The following RTBDN variants were observed in gnomAD, a reference collection of about 807,000 sequenced individuals.
The protein encoded by RTBDN is retbindin.
RTBDN carries 24 observed loss-of-function variants against 21.9 expected under a neutral mutation model. The observed-to-expected ratio is 1.10, with a 90% CI of 0.79 to 1.54. The LOEUF is 1.54. Among genes scored for constraint, RTBDN ranks in the 40% most tolerant of loss-of-function variants. The probability of loss-of-function intolerance (pLI) is 0.00; values close to 1 mark genes in which losing one functional copy is unlikely to be tolerated. For missense variants in RTBDN, 325 were observed against 315.2 expected, an observed-to-expected ratio of 1.03 and a Z score of -0.23; for synonymous variants, 141 against 125.9, an observed-to-expected ratio of 1.12 and a Z score of -0.80.
At chr19:12,835,296 T>C, upstream of RTBDN, 2 of 592,370 alleles carry the variant, frequency 3.4e-6, no homozygotes, top group Non-Finnish European at 6.0e-6. Context: ...TAGGCCTCTC[T>C]GAAGTGCTCC....
intron 2 of RTBDN, among the ~76,000 whole-genome samples, chr19:12,829,347 G>A (rs938974665): frequency 6.6e-6 from 1 of 151,940 alleles, no homozygotes; most frequent in Non-Finnish European, 1.5e-5. Context: ...GATTTCAGGC[G>A]CATGCCACCT....
rs57410013 is a variant in RTBDN at position 12,826,999 on chromosome 19, C to T, written c.366-128G>A. The T allele has an allele frequency of 6.0e-6, 4 of 665,374 alleles. No individual in the cohort carries two copies. The African/African-American group carries it at 7.2e-5, about 12-fold the overall frequency. 41.2% of individuals were successfully genotyped at this position (665,374 alleles called of 1,614,324 possible). ...CCAGGCCCCGCCTTTTAGAACCACT[C>T]CCCTGCTAACTAACCCCATCTCTCC... On this transcript the variant is annotated intron_variant, in intron 4 of 5. Transcript: ENST00000674343.
At chr19:12,828,605 C>T (rs1252898865) in intron 4 of RTBDN, 52 bp downstream of exon 4, 2 of 1,426,000 alleles carry the variant, frequency 1.4e-6, no homozygotes, top group African/African-American at 2.8e-5. Flanking sequence ...CAGGCTCCGC[C>T]CTCTTCCCCG....
rs1969290747 is a variant in RTBDN at position 12,826,203 on chromosome 19, A to T, written c.463-270T>A. 4 of 1,334,192 alleles carry T rather than the reference A, an allele frequency of 3.0e-6. No individual in the cohort carries two copies. The Middle Eastern group carries it at 8.3e-4, about 277-fold the overall frequency. 82.6% of individuals were successfully genotyped at this position (1,334,192 alleles called of 1,614,324 possible). ...CAAGGCTGGGGTTTTGTAGAGAGTG[A>T]CTGGGCTTCTGGGTCCTCCAGGGTA... is the stretch of plus-strand genomic sequence containing the variant. On this transcript the variant is annotated intron_variant, in intron 5 of 5. Coordinates refer to ENST00000674343, the MANE Select transcript of RTBDN (RefSeq NM_001270441.2).
intron 1 of RTBDN, among the ~76,000 whole-genome samples, chr19:12,833,550 G>T (rs982594472): frequency 2.6e-5 from 4 of 152,076 alleles, no homozygotes; most frequent in African/African-American, 9.7e-5. Context: ...TCACCAAGGG[G>T]GTCTCTGGGG....
At chr19:12,828,108 GA>G (rs1275777197) in intron 4 of RTBDN, among the ~76,000 whole-genome samples, 2 of 128,256 alleles carry the variant, frequency 1.6e-5, no homozygotes, top group African/African-American at 3.1e-5. Context: ...AAAAAAAAAA[GA>G]AAAAAAGGCC....
chr19:12,833,209 G>T (rs970764413), intron 1 of RTBDN, among the ~76,000 whole-genome samples: 3 of 152,108 alleles, frequency 2.0e-5, no homozygotes, highest in African/African-American at 7.2e-5. Flanking sequence ...CTGAGGTTGC[G>T]TCTCCTGTGA....
Position 12,830,046 on chromosome 19 carries a change from G to T in RTBDN, c.-18-49C>A. The T allele has an allele frequency of 6.4e-7, 1 of 1,566,748 alleles. No individual in the cohort carries two copies. The highest frequency in any genetic ancestry group is 8.7e-7 in the Non-Finnish European group (1 of 1,147,420). Reference sequence around the variant, plus strand: ...AGCCATCCCTTTCTGTGAGCTTAGGGTGGCACCCACCCAGTGCATACCCAA... The same window carrying T: ...AGCCATCCCTTTCTGTGAGCTTAGGTTGGCACCCACCCAGTGCATACCCAA... On this transcript the variant is annotated intron_variant, in intron 1 of 5. Transcript: ENST00000674343. This position sits in a 1 kb window ranked among gnomAD's most constrained non-coding sequence, Gnocchi z 4.2.
Position 12,830,896 on chromosome 19 carries a change from T to C in RTBDN, c.-18-899A>G, listed in dbSNP as rs1489458972. Reference sequence around the variant, plus strand: ...GAGGAAGGTGTGTTTGTGTGGCCTATAGCCTGTGTGTGTTCCCAGGCACCT... The same window carrying C: ...GAGGAAGGTGTGTTTGTGTGGCCTACAGCCTGTGTGTGTTCCCAGGCACCT... On this transcript the variant is annotated intron_variant, in intron 1 of 5. Transcript: ENST00000674343. This position sits in a 1 kb window ranked among gnomAD's most constrained non-coding sequence, Gnocchi z 4.2. Among the ~76,000 whole-genome samples, 1 of 150,990 alleles carries C rather than the reference T, an allele frequency of 6.6e-6. No individual in the cohort carries two copies. Among genetic ancestry groups the C allele is most frequent in the Admixed American group, 6.6e-5 (1 of 15,084 alleles).
At chr19:12,833,233 C>T (rs1265333476) in intron 1 of RTBDN, among the ~76,000 whole-genome samples, 2 of 152,042 alleles carry the variant, frequency 1.3e-5, no homozygotes, top group East Asian at 3.9e-4. Flanking sequence ...CGGGTCTCCT[C>T]AGTGAAAATG....
At position 12,830,570 on chromosome 19, in the gene RTBDN, C is replaced by A. The variant is rs1023747250; in HGVS notation, c.-18-573G>T. On this transcript the variant is annotated intron_variant, in intron 1 of 5. Transcript: ENST00000674343. The surrounding 1 kb of genome is among the most constrained non-coding windows in gnomAD (Gnocchi z 4.2). ...AGGGACAGCTAGCGGTCTGTGGAGA[C>A]AAGACTGTCCCCTTCCCGCCTCCCC... 48 of 985,248 alleles carry A rather than the reference C, an allele frequency of 4.9e-5. No individual in the cohort carries two copies. Among genetic ancestry groups the A allele is most frequent in the Non-Finnish European group, 5.7e-5 (47 of 829,860 alleles). The allele number at this position is 985,248 out of a possible 1,614,324, so 61.0% of individuals were successfully genotyped here. A position where few individuals can be genotyped will look rare whatever the true frequency, so the allele number is the denominator to read the frequency against.
upstream of RTBDN, chr19:12,834,586 C>A (rs1414100075): frequency 3.3e-6 from 5 of 1,516,268 alleles, no homozygotes; most frequent in African/African-American, 1.4e-5. This position sits in a 1 kb window ranked among gnomAD's most constrained non-coding sequence, Gnocchi z 4.7. Context: ...CAACATCCGC[C>A]CCCCCACCGC....
At chr19:12,832,073 A>C (rs1441663534) in intron 1 of RTBDN, among the ~76,000 whole-genome samples, 1 of 152,004 alleles carries the variant, frequency 6.6e-6, no homozygotes, top group Non-Finnish European at 1.5e-5. Context: ...GTGTGTCTGC[A>C]TTTGCTGAGT....
At chr19:12,833,946 C>G (rs1263463470) in intron 1 of RTBDN, 3 of 397,340 alleles carry the variant, frequency 7.6e-6, no homozygotes, top group African/African-American at 6.2e-5. Context: ...CTCCCCGGGC[C>G]GAAGTCGCCG....
intron 5 of RTBDN, 31 bp downstream of exon 5, chr19:12,826,744 C>T: frequency 7.7e-7 from 1 of 1,297,670 alleles, no homozygotes; most frequent in Non-Finnish European, 1.1e-6. Flanking sequence ...GGATCTCAGT[C>T]TCTTCCCTTC....
At chr19:12,829,151 C>T in intron 2 of RTBDN, 198 bp from the exon 3 acceptor site, 1 of 888,592 alleles carries the variant, frequency 1.1e-6, no homozygotes, top group East Asian at 2.7e-5. Flanking sequence ...AATCAACTTA[C>T]TTGTCATGTG....
At chr19:12,833,865 G>T (rs1045623770) in intron 1 of RTBDN, 3 of 150,806 alleles carry the variant, frequency 2.0e-5, no homozygotes, top group African/African-American at 7.8e-5. Context: ...CGCCGCCGCC[G>T]CCGCCGCGGT....
At chr19:12,833,906 C>T (rs193188945) in intron 1 of RTBDN, 261 of 395,466 alleles carry the variant, frequency 6.6e-4, no homozygotes, top group African/African-American at 5.1e-3. Context: ...TCCCTCCTCC[C>T]TCCTCCCGCC....
intron 3 of RTBDN, 41 bp from the exon 4 acceptor site, chr19:12,828,808 G>A (rs757230730): frequency 1.9e-6 from 3 of 1,613,194 alleles, no homozygotes; most frequent in Non-Finnish European, 2.5e-6. Flanking sequence ...GTCAGGACCC[G>A]AGGGAGTTCC....
Sources: allele counts gnomAD v4.1 joint callset (sites outside exome capture counted in the v4.1 genomes callset), GRCh38; gene constraint gnomAD v4.1.1; non-coding constraint Gnocchi (gnomAD v3.1); transcripts MANE v1.5; gene names NCBI Gene and HGNC (gene_info 2026-07-23, HGNC 2026-07-21).